The following MAP2K5 variants were observed in gnomAD, a reference collection of about 807,000 sequenced individuals.
MAP2K5 encodes the protein mitogen-activated protein kinase kinase 5, also known as dual specificity mitogen-activated protein kinase kinase 5.
In MAP2K5, 49 loss-of-function variants were observed where a neutral mutation model predicts 83.1. That is an observed-to-expected ratio of 0.59 (90% CI 0.47 to 0.75). The LOEUF (loss-of-function observed/expected upper bound fraction) is 0.75. Among genes scored for constraint, MAP2K5 ranks in the 30% least tolerant of loss-of-function variants. The pLI, the probability that MAP2K5 is intolerant of heterozygous loss-of-function variation, is 0.00. For synonymous variants in MAP2K5, 202 were observed against 191.8 expected (o/e 1.05, Z -0.44); for missense variants, 457 against 557.5 (o/e 0.82, Z 1.82).
intron 9 of MAP2K5, 67 bp from the exon 10 acceptor site, chr15:67,646,164 T>C: frequency 1.5e-6 from 1 of 676,508 alleles, no homozygotes; most frequent in Non-Finnish European, 2.5e-6. Flanking sequence ...TTAGTTCTTA[T>C]ATTTCATAGT....
rs1311103239 is a variant in MAP2K5 at position 67,749,493 on chromosome 15, T to G, written c.1134+892T>G. On this transcript the variant is annotated intron_variant, in intron 19 of 21. Transcript: ENST00000178640. The surrounding 1 kb of genome is among the most constrained non-coding windows in gnomAD (Gnocchi z 4.6). ...ATAGGAAAGTTTGAAAGAAAAAAAT[T>G]GTAATTCATAATTATTCCTCTCAAT... is the stretch of plus-strand genomic sequence containing the variant. 6.6e-6 allele frequency among the ~76,000 whole-genome samples: 1 copy of G among 152,114 alleles called. No homozygotes were observed. The highest frequency in any genetic ancestry group is 1.5e-5 in the Non-Finnish European group (1 of 68,032).
In MAP2K5 at chr15:67,622,944, AAAAC is replaced by A. The variant is rs377577106; in HGVS notation, c.546-7940_546-7937del. ...AAAGCCCATCTCTACTAAAAATACA[AAAAC>A]AAAATTAGCCGGGCATGGTGGTGGG... On this transcript the variant is annotated intron_variant, in intron 8 of 21. Coordinates refer to ENST00000178640, the MANE Select transcript of MAP2K5 (RefSeq NM_145160.3). Among the ~76,000 whole-genome samples the A allele has an allele frequency of 8.3e-3, 1,269 of 152,190 alleles. 41 individuals are homozygous for A. Among genetic ancestry groups the A allele is most frequent in the Admixed American group, 0.062 (947 of 15,276 alleles).
Position 67,611,280 on chromosome 15 carries a change from A to G in MAP2K5, c.545+10531A>G, listed in dbSNP as rs527874988. 7.1e-4 allele frequency among the ~76,000 whole-genome samples: 108 copies of G among 152,334 alleles called. 1 individual carries two copies. In the South Asian group the frequency reaches 0.022, roughly 31 times the overall value. ...AGTGGTGGGGTAAAATACATGGGAT[A>G]AAATTATAGAATGAATTTTTACCAT... On this transcript the variant is annotated intron_variant, in intron 8 of 21. Transcript: ENST00000178640.
intron 9 of MAP2K5, among the ~76,000 whole-genome samples, chr15:67,634,360 C>T (rs12915438): frequency 0.38 from 29,843 of 78,816 alleles, 4,376 homozygotes; most frequent in East Asian, 0.65. Context: ...AGAGTAAGAC[C>T]TCATCTCAAA....
At chr15:67,734,146 G>A (rs553050105) in intron 17 of MAP2K5, among the ~76,000 whole-genome samples, 20 of 152,174 alleles carry the variant, frequency 1.3e-4, no homozygotes, top group Non-Finnish European at 2.6e-4. Flanking sequence ...ATTTAAAACC[G>A]ATTAATTTAT....
At chr15:67,762,303 G>A (rs962941740) in intron 19 of MAP2K5, among the ~76,000 whole-genome samples, 8 of 152,212 alleles carry the variant, frequency 5.3e-5, no homozygotes, top group African/African-American at 1.7e-4. Context: ...ATGTTAGTGT[G>A]TGAGTATGTG....
chr15:67,550,943 T>C (rs1222183421), intron 2 of MAP2K5, among the ~76,000 whole-genome samples: 2 of 152,114 alleles, frequency 1.3e-5, no homozygotes, highest in East Asian at 1.9e-4. Context: ...AAGTAATCTT[T>C]GTATTTTTAG....
At chr15:67,600,868 A>C (rs922830217) in intron 8 of MAP2K5, 119 bp downstream of exon 8, 3 of 676,838 alleles carry the variant, frequency 4.4e-6, no homozygotes, top group African/African-American at 3.7e-5. Context: ...TCCATATTTG[A>C]CTCCAAAATT....
In MAP2K5 at chr15:67,758,850, G is replaced by T. The variant is rs780148675; in HGVS notation, c.1134+10249G>T. On this transcript the variant is annotated intron_variant, in intron 19 of 21. Transcript: ENST00000178640. This position sits in a 1 kb window ranked among gnomAD's most constrained non-coding sequence, Gnocchi z 4.7. ...TACATTATACTATCACTGATTTGAA[G>T]AAAGTACAAAGTGACCACTGAACAT... Among the ~76,000 whole-genome samples, 2 of 152,146 alleles carry T rather than the reference G, an allele frequency of 1.3e-5. No individual in the cohort carries two copies. The highest frequency in any genetic ancestry group is 2.9e-5 in the Non-Finnish European group (2 of 68,022).
At chr15:67,771,896 A>G (rs1334218527) in intron 20 of MAP2K5, among the ~76,000 whole-genome samples, 1 of 152,210 alleles carries the variant, frequency 6.6e-6, no homozygotes, top group Non-Finnish European at 1.5e-5. Context: ...TTTCATGACT[A>G]TCCCATGGAC....
In MAP2K5 at chr15:67,783,984, T is replaced by C. The variant is rs1178819169; in HGVS notation, c.1242+11232T>C. On this transcript the variant is annotated intron_variant, in intron 21 of 21. Coordinates refer to ENST00000178640, the MANE Select transcript of MAP2K5 (RefSeq NM_145160.3). This position sits in a 1 kb window ranked among gnomAD's most constrained non-coding sequence, Gnocchi z 5.1. Reference sequence around the variant, plus strand: ...AACTTGAAGAGATTGAAGTAACAATTGCACCTAACTTGGGGCTGAAGATGA... The same window carrying C: ...AACTTGAAGAGATTGAAGTAACAATCGCACCTAACTTGGGGCTGAAGATGA... Among the ~76,000 whole-genome samples the C allele has an allele frequency of 6.6e-6, 1 of 152,234 alleles. No homozygotes were observed. Among genetic ancestry groups the C allele is most frequent in the Non-Finnish European group, 1.5e-5 (1 of 68,042 alleles).
chr15:67,655,896 C>A (rs1288144731), intron 11 of MAP2K5, among the ~76,000 whole-genome samples: 4 of 152,102 alleles, frequency 2.6e-5, no homozygotes, highest in African/African-American at 9.7e-5. Context: ...AGAATGTGTT[C>A]ATTTTTCTTC....
intron 8 of MAP2K5, among the ~76,000 whole-genome samples, chr15:67,604,813 T>C (rs2085743359): frequency 6.6e-6 from 1 of 151,688 alleles, no homozygotes; most frequent in Non-Finnish European, 1.5e-5. Context: ...GAGAATAGCT[T>C]GAACCCGGGA....
chr15:67,605,376 A>G (rs577743569), intron 8 of MAP2K5, among the ~76,000 whole-genome samples: 72 of 152,200 alleles, frequency 4.7e-4, no homozygotes, highest in Admixed American at 7.8e-4. Context: ...TTTTTGATAA[A>G]CATCTCACAG....
Position 67,757,084 on chromosome 15 carries a change from G to A in MAP2K5, c.1134+8483G>A, listed in dbSNP as rs532358708. On this transcript the variant is annotated intron_variant, in intron 19 of 21. Transcript: ENST00000178640. The surrounding 1 kb of genome is among the most constrained non-coding windows in gnomAD (Gnocchi z 4.9). Reference sequence around the variant, plus strand: ...AGAAGTTGGATTACTGAATCATAGCGTAGTTCTTTTTTTAGTTTTTTGAGG... The same window carrying A: ...AGAAGTTGGATTACTGAATCATAGCATAGTTCTTTTTTTAGTTTTTTGAGG... Among the ~76,000 whole-genome samples, 5 of 151,712 alleles carry A rather than the reference G, an allele frequency of 3.3e-5. No individual in the cohort carries two copies. Among genetic ancestry groups the A allele is most frequent in the East Asian group, 1.9e-4 (1 of 5,170 alleles).
intron 13 of MAP2K5, among the ~76,000 whole-genome samples, chr15:67,671,102 A>G (rs966376331): frequency 2.0e-5 from 3 of 152,210 alleles, no homozygotes; most frequent in Admixed American, 1.3e-4. Context: ...TCCCTCATGT[A>G]TACTATGAAA....
chr15:67,794,968 C>T lies in MAP2K5; in HGVS notation c.1243-11678C>T, dbSNP rs748767757. 3.3e-5 allele frequency among the ~76,000 whole-genome samples: 5 copies of T among 152,224 alleles called. No homozygotes were observed. Among genetic ancestry groups the T allele is most frequent in the Non-Finnish European group, 2.9e-5 (2 of 68,038 alleles). On this transcript the variant is annotated intron_variant, in intron 21 of 21. Transcript: ENST00000178640. The surrounding 1 kb of genome is among the most constrained non-coding windows in gnomAD (Gnocchi z 4.6). The stretch of plus-strand genomic sequence containing the variant: ...AGGACTCTGAAACCTCTGACGCCCC[C>T]GCGGTGGGTGATGTTTTGTCAGTGC...
chr15:67,551,621 C>CT (rs1285560740), intron 2 of MAP2K5, among the ~76,000 whole-genome samples: 1 of 152,126 alleles, frequency 6.6e-6, no homozygotes, highest in Non-Finnish European at 1.5e-5. Flanking sequence ...ATGTCAGCCA[C>CT]TGTGCCTGGC....
intron 4 of MAP2K5, among the ~76,000 whole-genome samples, chr15:67,581,211 C>T (rs1187494491): frequency 2.6e-5 from 4 of 151,970 alleles, no homozygotes; most frequent in African/African-American, 7.3e-5. Context: ...AGCACAGAAG[C>T]GAAGATTTAC....
Sources: allele counts gnomAD v4.1 joint callset (sites outside exome capture counted in the v4.1 genomes callset), GRCh38; gene constraint gnomAD v4.1.1; non-coding constraint Gnocchi (gnomAD v3.1); transcripts MANE v1.5; gene names NCBI Gene and HGNC (gene_info 2026-07-23, HGNC 2026-07-21).